The following SLC22A24 variants were observed in gnomAD, a reference collection of about 807,000 sequenced individuals.
SLC22A24 encodes the protein steroid transmembrane transporter SLC22A24.
In SLC22A24, 53 loss-of-function variants were observed where a neutral mutation model predicts 49.8. The observed-to-expected ratio is 1.06, with a 90% CI of 0.85 to 1.34. The LOEUF (loss-of-function observed/expected upper bound fraction) is 1.34, where lower values mean the gene tolerates loss of function less well. Among genes scored for constraint, SLC22A24 ranks in the 40% most tolerant of loss-of-function variants. SLC22A24 has a pLI of 0.00. For synonymous variants in SLC22A24, 302 were observed against 256.4 expected (o/e 1.18, Z -1.70); for missense variants, 786 against 675.9 (o/e 1.16, Z -1.81).
chr11:63,104,870 C>A (rs1048643552), intron 4 of SLC22A24, among the ~76,000 whole-genome samples: 6 of 152,162 alleles, frequency 3.9e-5, no homozygotes, highest in Non-Finnish European at 5.9e-5. Context: ...CCCCCAAAGT[C>A]TTAATTTTTT....
In SLC22A24 at chr11:63,081,577, G is replaced by T. The variant is rs1472484117; in HGVS notation, c.1375C>A (p.Leu459Ile). The change falls in exon 8 of 10, where the codon CTC becomes ATC. Residue 459 changes from leucine to isoleucine, a missense_variant. By Grantham distance (5) the Leu-to-Ile change is conservative. Coordinates refer to ENST00000612278, the MANE Select transcript of SLC22A24 (RefSeq NM_001136506.2). ...TTGTACCTCAATATGGTGGGGACGA[G>T]CTCGTTGTGGTGGACAGAAGCACTG... Reference protein sequence around the residue: ...SNSASVHHNELVPTILRSTVA... With the variant: ...SNSASVHHNEIVPTILRSTVA... 6.4e-7 allele frequency: 1 copy of T among 1,551,316 alleles called. No homozygotes were observed. The highest frequency in any genetic ancestry group is 1.4e-5 in the African/African-American group (1 of 73,142).
At chr11:63,092,468 G>A (rs1474171215) in intron 6 of SLC22A24, among the ~76,000 whole-genome samples, 2 of 130,372 alleles carry the variant, frequency 1.5e-5, no homozygotes, top group Non-Finnish European at 3.3e-5. Context: ...AGAGAATAAA[G>A]CTGGAGGCAT....
chr11:63,124,967 T>A (rs1233808971), intron 2 of SLC22A24, among the ~76,000 whole-genome samples: 2 of 126,826 alleles, frequency 1.6e-5, no homozygotes, highest in African/African-American at 3.0e-5. Context: ...GTGGGGGGAG[T>A]GGGGAGGGAT....
intron 1 of SLC22A24, among the ~76,000 whole-genome samples, chr11:63,136,351 T>A (rs1939757): frequency 0.78 from 117,911 of 152,086 alleles, 47,338 homozygotes; most frequent in East Asian, 0.9. Context: ...TGCTCAGCAC[T>A]TCGATGAGAT....
At chr11:63,134,943 C>A (rs960843774) in intron 1 of SLC22A24, among the ~76,000 whole-genome samples, 175 bp from the exon 2 acceptor site, 1 of 152,146 alleles carries the variant, frequency 6.6e-6, no homozygotes, top group Admixed American at 6.6e-5. Flanking sequence ...TCTAAAAATA[C>A]TAAACTTATT....
intron 2 of SLC22A24, among the ~76,000 whole-genome samples, chr11:63,132,405 T>A (rs1453163276): frequency 6.6e-6 from 1 of 152,228 alleles, no homozygotes; most frequent in African/African-American, 2.4e-5. Flanking sequence ...TGGTTTCTCC[T>A]CATCTTTGTG....
At chr11:63,139,418 T>C (rs2087398736) in intron 1 of SLC22A24, among the ~76,000 whole-genome samples, 1 of 152,202 alleles carries the variant, frequency 6.6e-6, no homozygotes, top group Non-Finnish European at 1.5e-5. Flanking sequence ...AAATTACTTT[T>C]CATTATGAAA....
chr11:63,104,294 T>A lies in SLC22A24; in HGVS notation c.835A>T (p.Met279Leu). ...IIVLFLSSWK[M>L]VESARWLIIN... Reference sequence around the variant, plus strand: ...ATCAGCCACCGAGCAGACTCCACCATCTTCCTGATGAAAGAAGACAACATA... The same window carrying A: ...ATCAGCCACCGAGCAGACTCCACCAACTTCCTGATGAAAGAAGACAACATA... The change falls in exon 5 of 10, where the codon ATG becomes TTG. Residue 279 changes from methionine to leucine, a missense_variant. By Grantham distance (15) the Met-to-Leu change is conservative (BLOSUM62 2). Transcript: ENST00000612278. 9 of 1,548,684 alleles carry A rather than the reference T, an allele frequency of 5.8e-6. No homozygotes were observed. Among genetic ancestry groups the A allele is most frequent in the Non-Finnish European group, 7.9e-6 (9 of 1,146,436 alleles).
chr11:63,081,622 T>G lies in SLC22A24; in HGVS notation c.1330A>C (p.Ser444Arg), dbSNP rs2086960877. 1.3e-6 allele frequency: 2 copies of G among 1,551,462 alleles called. No individual in the cohort carries two copies. Among genetic ancestry groups the G allele is most frequent in the Non-Finnish European group, 1.7e-6 (2 of 1,146,904 alleles). Residue 444 changes from serine to arginine, a missense_variant, in exon 8 of 10, where the codon AGT (serine) becomes CGT (arginine). By Grantham distance (110) the Ser-to-Arg change is moderately radical. Transcript: ENST00000612278. Reference sequence around the variant, plus strand: ...GCACTGTTGCTAGCAGCAGAAACACTACCAATTCCCAAAGTTGCTAAAACC... The same window carrying G: ...GCACTGTTGCTAGCAGCAGAAACACGACCAATTCCCAAAGTTGCTAAAACC... Reference protein sequence around the residue: ...RVVLATLGIGSVSAASNSASV... With the variant: ...RVVLATLGIGRVSAASNSASV...
intron 2 of SLC22A24, among the ~76,000 whole-genome samples, chr11:63,124,544 C>T (rs2087274781): frequency 6.6e-6 from 1 of 152,180 alleles, no homozygotes; most frequent in Non-Finnish European, 1.5e-5. Context: ...AGTTCCTTTA[C>T]TATCTTCCAA....
intron 4 of SLC22A24, among the ~76,000 whole-genome samples, chr11:63,114,383 T>G (rs2087197358): frequency 6.6e-6 from 1 of 152,198 alleles, no homozygotes. Flanking sequence ...ACATGGGTCA[T>G]GAAGATCTCA....
At chr11:63,117,387 C>G (rs2155317) in intron 4 of SLC22A24, among the ~76,000 whole-genome samples, 6 of 152,148 alleles carry the variant, frequency 3.9e-5, no homozygotes, top group Admixed American at 3.9e-4. Flanking sequence ...CAATACTTCT[C>G]CCAGTCTTTA....
intron 4 of SLC22A24, among the ~76,000 whole-genome samples, chr11:63,105,355 C>G (rs2087114412): frequency 8.4e-4 from 1 of 1,190 alleles, no homozygotes; most frequent in Non-Finnish European, 0.038. Flanking sequence ...TGTGGGAGCT[C>G]TGGCCCCAAT....
chr11:63,118,189 C>T (rs1028598273), intron 4 of SLC22A24, among the ~76,000 whole-genome samples: 2 of 149,112 alleles, frequency 1.3e-5, no homozygotes, highest in South Asian at 4.4e-4. Context: ...CAAGCTCTGT[C>T]CTCCTCCCTC....
intron 4 of SLC22A24, among the ~76,000 whole-genome samples, chr11:63,104,881 C>T (rs529098176): frequency 5.9e-5 from 9 of 152,258 alleles, no homozygotes; most frequent in East Asian, 5.8e-4. Context: ...TTAATTTTTT[C>T]GGCATTAGCT....
intron 4 of SLC22A24, among the ~76,000 whole-genome samples, chr11:63,104,894 A>G (rs2087111097): frequency 6.6e-6 from 1 of 152,182 alleles, no homozygotes; most frequent in African/African-American, 2.4e-5. Context: ...CATTAGCTCA[A>G]AAGTCCACAG....
Position 63,104,251 on chromosome 11 carries a change from T to C in SLC22A24, c.878A>G (p.Asp293Gly), listed in dbSNP as rs562838733. 14 of 1,550,782 alleles carry C rather than the reference T, an allele frequency of 9.0e-6. No homozygotes were observed. The highest frequency in any genetic ancestry group is 3.9e-5 in the Admixed American group (2 of 50,996). The part of the protein sequence containing the change: ...ARWLIINNQL[D>G]EGLKELRRVA... Reference sequence around the variant, plus strand: ...TCTTCTAAGCTCCTTTAAGCCCTCATCTAGCTGATTGTTGATAATCAGCCA... The same window carrying C: ...TCTTCTAAGCTCCTTTAAGCCCTCACCTAGCTGATTGTTGATAATCAGCCA... The change falls in exon 5 of 10, where the codon GAT becomes GGT. Residue 293 changes from aspartate (D) to glycine (G), a missense_variant. Transcript: ENST00000612278.
In SLC22A24 at chr11:63,083,248, G is replaced by A. The variant is rs2086969653; in HGVS notation, c.1280C>T (p.Pro427Leu). 1.3e-6 allele frequency: 2 copies of A among 1,553,662 alleles called. No individual in the cohort carries two copies. Among genetic ancestry groups the A allele is most frequent in the Non-Finnish European group, 1.7e-6 (2 of 1,147,842 alleles). The change falls in exon 7 of 10, where the codon CCC becomes CTC. Residue 427 changes from proline (P) to leucine (L), a missense_variant. By Grantham distance (98) the Pro-to-Leu change is moderately conservative. Coordinates refer to ENST00000612278, the MANE Select transcript of SLC22A24 (RefSeq NM_001136506.2). ...GLFILVNTFLPQEMQILRVVL... is the reference protein window; with the variant it reads ...GLFILVNTFLLQEMQILRVVL... ...GAAACTCCTGTCTCTCTCACCTTGG[G>A]GCAAAAAGGTGTTGACCAGAATGAA...
chr11:63,130,041 C>T (rs1261241152), intron 2 of SLC22A24, among the ~76,000 whole-genome samples: 2 of 152,160 alleles, frequency 1.3e-5, no homozygotes, highest in African/African-American at 4.8e-5. Flanking sequence ...AGAGGGCATC[C>T]TTGTCTTGTG....
Sources: allele counts gnomAD v4.1 joint callset (sites outside exome capture counted in the v4.1 genomes callset), GRCh38; gene constraint gnomAD v4.1.1; transcripts MANE v1.5; gene names NCBI Gene and HGNC (gene_info 2026-07-23, HGNC 2026-07-21).